PCDH15: variants seen among roughly 807,000 people sequenced by gnomAD.
The protein encoded by PCDH15 is protocadherin-15.
Under a neutral mutation model 178.5 loss-of-function variants are expected in PCDH15, and 129 were observed. That is an observed-to-expected ratio of 0.72 (90% CI 0.63 to 0.84). The LOEUF (loss-of-function observed/expected upper bound fraction) is 0.84, where lower values mean the gene tolerates loss of function less well. PCDH15 is among the 40% of genes least tolerant of loss of function. The probability of loss-of-function intolerance (pLI) is 0.00; values close to 1 mark genes in which losing one functional copy is unlikely to be tolerated. For missense variants in PCDH15, 2,230 were observed against 2,099.9 expected (o/e 1.06, Z -1.21); for synonymous variants, 800 against 732.0 (o/e 1.09, Z -1.50).
At chr10:54,823,045 C>A (rs1289523532) in intron 3 of PCDH15, among the ~76,000 whole-genome samples, 4 of 151,984 alleles carry the variant, frequency 2.6e-5, no homozygotes, top group South Asian at 4.2e-4. Context: ...CGACGTCCAG[C>A]TAATTTTTGA....
intron 3 of PCDH15, among the ~76,000 whole-genome samples, chr10:54,489,581 G>A (rs879915093): frequency 1.3e-5 from 2 of 151,724 alleles, no homozygotes; most frequent in Non-Finnish European, 2.9e-5. Context: ...GGAGTGTAGA[G>A]TCTCTGAAAT....
chr10:54,784,693 A>C (rs1458468698), intron 1 of PCDH15, among the ~76,000 whole-genome samples: 1 of 149,648 alleles, frequency 6.7e-6, no homozygotes, highest in African/African-American at 2.6e-5. Context: ...GAAAAATGTA[A>C]TCCAAGGAAA....
At chr10:54,257,403 C>CT (rs71461225) in intron 8 of PCDH15, among the ~76,000 whole-genome samples, 3,037 of 125,964 alleles carry the variant, frequency 0.024, 151 homozygotes, top group African/African-American at 0.081. Flanking sequence ...GAATTGTCTT[C>CT]TTTTTTTTTT....
At chr10:54,523,260 A>C (rs1020655706) in intron 3 of PCDH15, among the ~76,000 whole-genome samples, 1 of 152,192 alleles carries the variant, frequency 6.6e-6, no homozygotes, top group Non-Finnish European at 1.5e-5. Context: ...TTAAAAAAGC[A>C]CTCAATATAT....
chr10:54,900,016 TA>T (rs1954615113), intron 2 of PCDH15, among the ~76,000 whole-genome samples: 1 of 152,112 alleles, frequency 6.6e-6, no homozygotes, highest in South Asian at 2.1e-4. Context: ...CCTATGCAAT[TA>T]ACTGTAAGAA....
At chr10:54,681,488 T>C (rs538903446) in intron 1 of PCDH15, among the ~76,000 whole-genome samples, 416 of 108,990 alleles carry the variant, frequency 3.8e-3, no homozygotes, top group African/African-American at 0.011. Flanking sequence ...TGAAGCCAAA[T>C]GAAGAAAGGA....
chr10:54,129,390 TTTTG>T (rs769742553), intron 15 of PCDH15, among the ~76,000 whole-genome samples: 6 of 152,336 alleles, frequency 3.9e-5, no homozygotes, highest in South Asian at 2.1e-4. Flanking sequence ...AAATTTATAC[TTTTG>T]TTTGTTTGTT....
intron 2 of PCDH15, among the ~76,000 whole-genome samples, chr10:55,594,802 T>A (rs748118321): frequency 6.6e-6 from 1 of 152,062 alleles, no homozygotes; most frequent in Non-Finnish European, 1.5e-5. Flanking sequence ...AATTCAAATT[T>A]CCCCTGATAC....
At chr10:54,949,497 T>C (rs886836121) in intron 2 of PCDH15, among the ~76,000 whole-genome samples, 14 of 151,912 alleles carry the variant, frequency 9.2e-5, no homozygotes, top group Non-Finnish European at 1.9e-4. Context: ...CCTGGAGACA[T>C]TTTCCCCATC....
At chr10:55,317,226 A>G (rs1307029732) in intron 1 of PCDH15, among the ~76,000 whole-genome samples, 1 of 152,198 alleles carries the variant, frequency 6.6e-6, no homozygotes, top group African/African-American at 2.4e-5. Flanking sequence ...AAATGTTAGT[A>G]TACACAAAGA....
intron 1 of PCDH15, among the ~76,000 whole-genome samples, chr10:55,234,165 G>A (rs1344519142): frequency 1.3e-5 from 2 of 151,946 alleles, no homozygotes; most frequent in African/African-American, 4.8e-5. Flanking sequence ...GAATGAAAGA[G>A]CTCTGAGTTT....
intron 5 of PCDH15, among the ~76,000 whole-genome samples, chr10:54,366,545 T>A (rs1008993338): frequency 6.6e-6 from 1 of 152,026 alleles, no homozygotes; most frequent in African/African-American, 2.4e-5. Context: ...TAATACATAA[T>A]TCATAATAGA....
intron 1 of PCDH15, among the ~76,000 whole-genome samples, chr10:55,266,733 A>ATGC (rs1445847382): frequency 1.3e-5 from 2 of 152,220 alleles, no homozygotes; most frequent in Non-Finnish European, 2.9e-5. Context: ...TGGCAGATGC[A>ATGC]GGCAGGTCAT....
At chr10:54,926,445 A>G (rs1051897208) in intron 2 of PCDH15, among the ~76,000 whole-genome samples, 1 of 152,074 alleles carries the variant, frequency 6.6e-6, no homozygotes, top group East Asian at 1.9e-4. Flanking sequence ...TGGTTTTTGT[A>G]TGAGGATGAT....
At chr10:55,019,991 A>G (rs976552778) in intron 2 of PCDH15, among the ~76,000 whole-genome samples, 17 of 151,848 alleles carry the variant, frequency 1.1e-4, no homozygotes, top group Non-Finnish European at 2.1e-4. Context: ...AAGAAGTCAC[A>G]AAAGAGCTAT....
intron 2 of PCDH15, among the ~76,000 whole-genome samples, chr10:54,584,208 C>A (rs532587727): frequency 4.6e-5 from 7 of 151,954 alleles, no homozygotes; most frequent in Non-Finnish European, 7.4e-5. Flanking sequence ...CATAACAAGA[C>A]CCCATCTCTA....
chr10:54,523,581 T>G (rs995261528), intron 3 of PCDH15, among the ~76,000 whole-genome samples: 1 of 152,200 alleles, frequency 6.6e-6, no homozygotes, highest in Non-Finnish European at 1.5e-5. Flanking sequence ...TTGAATTACA[T>G]AAGTAATTCA....
chr10:55,359,271 A>G (rs1290733477), intron 2 of PCDH15, among the ~76,000 whole-genome samples: 1 of 152,056 alleles, frequency 6.6e-6, no homozygotes, highest in East Asian at 1.9e-4. Context: ...TGAATAGTCA[A>G]TATATCCATT....
At chr10:54,761,961 ATATATG>A (rs1242151332) in intron 1 of PCDH15, among the ~76,000 whole-genome samples, 2 of 152,112 alleles carry the variant, frequency 1.3e-5, no homozygotes, top group Non-Finnish European at 2.9e-5. Flanking sequence ...AACAACATAT[ATATATG>A]TATATGTATC....
Sources: allele counts gnomAD v4.1 joint callset (sites outside exome capture counted in the v4.1 genomes callset), GRCh38; gene constraint gnomAD v4.1.1; transcripts MANE v1.5; gene names NCBI Gene and HGNC (gene_info 2026-07-23, HGNC 2026-07-21).